The following DOP1B variants were observed in gnomAD, a reference collection of about 807,000 sequenced individuals.
The protein encoded by DOP1B is protein DOP1B.
In DOP1B, 174 loss-of-function variants were observed where a neutral mutation model predicts 233.5. The ratio of observed to expected loss-of-function variants is 0.75; its 90% CI spans 0.66 to 0.85. DOP1B has a LOEUF of 0.85. Among genes scored for constraint, DOP1B ranks in the 40% least tolerant of loss-of-function variants. DOP1B has a pLI of 0.00. For missense variants in DOP1B, 2,652 were observed against 2,846.6 expected (o/e 0.93, Z 1.56); for synonymous variants, 1,190 against 1,185.6 (o/e 1.00, Z -0.08).
intron 23 of DOP1B, among the ~76,000 whole-genome samples, chr21:36,260,199 A>AGGAAAGGGAAG (rs2067152784): frequency 6.8e-6 from 1 of 147,700 alleles, no homozygotes; most frequent in Admixed American, 6.8e-5. Flanking sequence ...AGAAAGAAAA[A>AGGAAAGGGAAG]GGAAAGGGAA....
At chr21:36,183,267 G>A (rs1281959485) in intron 2 of DOP1B, among the ~76,000 whole-genome samples, 1 of 152,186 alleles carries the variant, frequency 6.6e-6, no homozygotes, top group African/African-American at 2.4e-5. Flanking sequence ...ACCCAAAGTT[G>A]TAACAGCCAG....
At chr21:36,242,981 CT>C (rs35476479) in intron 18 of DOP1B, among the ~76,000 whole-genome samples, 62,340 of 126,816 alleles carry the variant, frequency 0.49, 13,331 homozygotes, top group African/African-American at 0.58. Context: ...TTCTTCTTTT[CT>C]TTTTTTTTTT....
intron 1 of DOP1B, among the ~76,000 whole-genome samples, chr21:36,162,930 G>A (rs1315575202): frequency 1.3e-5 from 2 of 152,082 alleles, no homozygotes; most frequent in African/African-American, 4.8e-5. Context: ...GTGCTGGAGG[G>A]GCCAGAGGAG....
At chr21:36,190,273 C>T (rs994325232) in intron 2 of DOP1B, among the ~76,000 whole-genome samples, 37 of 151,032 alleles carry the variant, frequency 2.4e-4, no homozygotes, top group African/African-American at 8.2e-4. Context: ...TGCAGTGAGC[C>T]GAGATTGCAC....
At position 36,263,652 on chromosome 21, in the gene DOP1B, T is replaced by TATCA; in HGVS notation, c.5420+3_5420+6dup. The TATCA allele has an allele frequency of 6.2e-7, 1 of 1,613,784 alleles. No homozygotes were observed. Among genetic ancestry groups the TATCA allele is most frequent in the Non-Finnish European group, 8.5e-7 (1 of 1,179,638 alleles). ...ACCTGGGTATTTTCTGCTTCTCAGG[T>TATCA]ATCATGTCACCACATTGTCATTGTG... On this transcript the variant is annotated splice_region_variant and intron_variant, in intron 25 of 36. Coordinates refer to ENST00000691173, the MANE Select transcript of DOP1B (RefSeq NM_001320714.2).
intron 35 of DOP1B, among the ~76,000 whole-genome samples, chr21:36,291,684 A>G (rs955585185): frequency 6.6e-6 from 1 of 152,228 alleles, no homozygotes; most frequent in African/African-American, 2.4e-5. Context: ...TGACATATCC[A>G]TACAGTGGAA....
In DOP1B at chr21:36,246,769, G is replaced by A; in HGVS notation, c.4697+92G>A. 1.4e-6 allele frequency: 2 copies of A among 1,466,838 alleles called. No individual in the cohort carries two copies. The highest frequency in any genetic ancestry group is 1.8e-6 in the Non-Finnish European group (2 of 1,092,504). 90.9% of individuals were successfully genotyped at this position (1,466,838 alleles called of 1,614,324 possible). On this transcript the variant is annotated intron_variant, in intron 19 of 36. Coordinates refer to ENST00000691173, the MANE Select transcript of DOP1B (RefSeq NM_001320714.2). This position sits in a 1 kb window ranked among gnomAD's most constrained non-coding sequence, Gnocchi z 5.1. ...GCCACGGATGTGGATGTCGGTTGGA[G>A]GATAATTTCATCCCAATGAGAAGCC...
intron 9 of DOP1B, among the ~76,000 whole-genome samples, chr21:36,216,381 C>A (rs1227789447): frequency 6.7e-6 from 1 of 150,286 alleles, no homozygotes; most frequent in Non-Finnish European, 1.5e-5. Flanking sequence ...GAAGCTGAGG[C>A]AGGTGGATCA....
At chr21:36,167,096 T>C (rs1418648805) in intron 2 of DOP1B, among the ~76,000 whole-genome samples, 1 of 152,186 alleles carries the variant, frequency 6.6e-6, no homozygotes, top group Non-Finnish European at 1.5e-5. Context: ...TAGAACCGCA[T>C]TGAGTCCCAC....
At chr21:36,290,834 G>A (rs567788050) in intron 35 of DOP1B, among the ~76,000 whole-genome samples, 1 of 151,378 alleles carries the variant, frequency 6.6e-6, no homozygotes, top group South Asian at 2.1e-4. Flanking sequence ...GCCAGATGTG[G>A]TGGTGGGCGC....
intron 26 of DOP1B, among the ~76,000 whole-genome samples, chr21:36,265,947 A>G (rs1264559254): frequency 2.0e-5 from 3 of 151,974 alleles, no homozygotes; most frequent in Non-Finnish European, 4.4e-5. Context: ...ATTCCATTCA[A>G]TTCTGGCATT....
intron 9 of DOP1B, 79 bp downstream of exon 9, chr21:36,214,635 C>T: frequency 2.5e-6 from 3 of 1,198,420 alleles, no homozygotes; most frequent in East Asian, 2.4e-5. Context: ...TGGTGAGATA[C>T]AACCAAAGCG....
intron 23 of DOP1B, 21 bp downstream of exon 23, chr21:36,253,930 T>C (rs1374097430): frequency 1.9e-6 from 3 of 1,608,378 alleles, no homozygotes; most frequent in East Asian, 4.5e-5. Flanking sequence ...TGGGGAAGCC[T>C]CTGGGCTTCT....
chr21:36,193,322 C>A (rs898795162), intron 2 of DOP1B, among the ~76,000 whole-genome samples: 1 of 152,116 alleles, frequency 6.6e-6, no homozygotes, highest in Non-Finnish European at 1.5e-5. Context: ...GTGTGACAGT[C>A]GCGTAGAATG....
intron 2 of DOP1B, among the ~76,000 whole-genome samples, chr21:36,187,452 A>G (rs1049075231): frequency 6.6e-6 from 1 of 151,468 alleles, no homozygotes; most frequent in Non-Finnish European, 1.5e-5. Flanking sequence ...CCACTACCAC[A>G]TCTGGCTAAT....
chr21:36,170,881 T>C (rs1355990600), intron 2 of DOP1B, among the ~76,000 whole-genome samples: 1 of 152,054 alleles, frequency 6.6e-6, no homozygotes, highest in Non-Finnish European at 1.5e-5. Context: ...TTGGATCTCA[T>C]TTCTTGTTCC....
chr21:36,174,532 C>A (rs2066003516), intron 2 of DOP1B, among the ~76,000 whole-genome samples: 1 of 152,084 alleles, frequency 6.6e-6, no homozygotes, highest in South Asian at 2.1e-4. Context: ...CCAACAGAAT[C>A]CTTCTTCTTT....
In DOP1B at chr21:36,267,625, C is replaced by CTTTTTTTTTT. The variant is rs3029062; in HGVS notation, c.5488-2379_5488-2370dup. ...CCAGGAGGTCGAGGCTGCAGTGAGA[C>CTTTTTTTTTT]TTTTTTTTTTTTTTTTTTGAGATGG... On this transcript the variant is annotated intron_variant, in intron 26 of 36. Coordinates refer to ENST00000691173, the MANE Select transcript of DOP1B (RefSeq NM_001320714.2). 3.4e-5 allele frequency among the ~76,000 whole-genome samples: 4 copies of CTTTTTTTTTT among 116,964 alleles called. 1 individual carries two copies. Among genetic ancestry groups the CTTTTTTTTTT allele is most frequent in the African/African-American group, 3.5e-5 (1 of 28,876 alleles). 76.7% of individuals were successfully genotyped at this position (116,964 alleles called of 152,430 possible).
In DOP1B at chr21:36,170,642, A is replaced by G. The variant is rs548595054; in HGVS notation, c.138+5771A>G. On this transcript the variant is annotated intron_variant, in intron 2 of 36. Transcript: ENST00000691173. The stretch of plus-strand genomic sequence containing the variant: ...ATATAAAATTATTATTTATTTATTT[A>G]TAATTATCCAGCCGTGGTAGTGCTT... 3.3e-5 allele frequency: 5 copies of G among 150,682 alleles called. No homozygotes were observed. In the East Asian group the frequency reaches 9.7e-4, roughly 29 times the overall value. The allele number at this position is 150,682 out of a possible 1,614,324, so 9.3% of individuals were successfully genotyped here.
Sources: gnomAD v4.1 joint callset for allele counts (sites outside exome capture counted in the v4.1 genomes callset) on GRCh38, gnomAD v4.1.1 for gene constraint, Gnocchi (gnomAD v3.1) non-coding constraint, MANE v1.5 for transcripts, NCBI Gene and HGNC (gene_info 2026-07-23, HGNC 2026-07-21) for gene names.